DRAM1: variants seen among roughly 807,000 people sequenced by gnomAD.
DRAM1 encodes DNA damage-regulated autophagy modulator protein 1.
In DRAM1, 25 loss-of-function variants were observed where a neutral mutation model predicts 28.5. The ratio of observed to expected loss-of-function variants is 0.88; its 90% CI spans 0.64 to 1.23. The LOEUF is 1.23. Ranked by LOEUF, DRAM1 falls within the 50% of genes most tolerant of loss-of-function variation. The pLI, the probability that DRAM1 is intolerant of heterozygous loss-of-function variation, is 0.00. For synonymous variants in DRAM1, 113 were observed against 114.2 expected (o/e 0.99, Z 0.07); for missense variants, 249 against 299.2 (o/e 0.83, Z 1.24).
At chr12:101,920,951 T>C (rs537317223) in intron 6 of DRAM1, among the ~76,000 whole-genome samples, 1 of 152,236 alleles carries the variant, frequency 6.6e-6, no homozygotes, top group African/African-American at 2.4e-5. Context: ...AATAAAAGTG[T>C]GTTGTTCAAA....
At chr12:101,892,495 C>A (rs1446843269) in intron 1 of DRAM1, among the ~76,000 whole-genome samples, 1 of 151,354 alleles carries the variant, frequency 6.6e-6, no homozygotes, top group Non-Finnish European at 1.5e-5. Flanking sequence ...CTCAAGTGAT[C>A]CACCTGCCTC....
intron 1 of DRAM1, among the ~76,000 whole-genome samples, chr12:101,886,018 C>T (rs1211842241): frequency 6.6e-6 from 1 of 152,094 alleles, no homozygotes; most frequent in African/African-American, 2.4e-5. Flanking sequence ...GTCATATGGT[C>T]CTGTTTCATT....
At chr12:101,889,384 C>A (rs1873009968) in intron 1 of DRAM1, among the ~76,000 whole-genome samples, 4 of 152,086 alleles carry the variant, frequency 2.6e-5, no homozygotes, top group Admixed American at 2.6e-4. Context: ...TTGGAAGTCC[C>A]CTCTCGTGAG....
chr12:101,896,120 A>G (rs1873360926), intron 1 of DRAM1, among the ~76,000 whole-genome samples: 1 of 151,550 alleles, frequency 6.6e-6, no homozygotes, highest in South Asian at 2.1e-4. Flanking sequence ...ACTCCTGACC[A>G]CAGGTGATCC....
At chr12:101,909,875 C>T (rs1873975239) in intron 4 of DRAM1, among the ~76,000 whole-genome samples, 1 of 152,116 alleles carries the variant, frequency 6.6e-6, no homozygotes, top group African/African-American at 2.4e-5. Flanking sequence ...CATCTGTAGT[C>T]ATATCAGAGA....
intron 5 of DRAM1, among the ~76,000 whole-genome samples, chr12:101,917,239 G>A (rs542485452): frequency 6.6e-6 from 1 of 152,334 alleles, no homozygotes; most frequent in South Asian, 2.1e-4. Context: ...TCCTGTTCTG[G>A]ACTGGAGGTA....
chr12:101,890,649 T>C (rs1041926269), intron 1 of DRAM1, among the ~76,000 whole-genome samples: 1 of 152,008 alleles, frequency 6.6e-6, no homozygotes, highest in Non-Finnish European at 1.5e-5. Flanking sequence ...AAATTGCTTG[T>C]GGGTAGTGAG....
At chr12:101,911,884 A>G (rs1482227020) in intron 4 of DRAM1, among the ~76,000 whole-genome samples, 1 of 152,114 alleles carries the variant, frequency 6.6e-6, no homozygotes, top group Non-Finnish European at 1.5e-5. Context: ...CAATATTTTT[A>G]TGTGTTGGGT....
At chr12:101,904,043 G>C (rs983348228) in intron 3 of DRAM1, among the ~76,000 whole-genome samples, 3 of 152,118 alleles carry the variant, frequency 2.0e-5, no homozygotes, top group African/African-American at 7.2e-5. Context: ...CTGCAGTGCA[G>C]TGGCGCGATC....
At chr12:101,888,657 A>T (rs975753774) in intron 1 of DRAM1, among the ~76,000 whole-genome samples, 1 of 151,948 alleles carries the variant, frequency 6.6e-6, no homozygotes, top group African/African-American at 2.4e-5. Flanking sequence ...GGGTACAACA[A>T]ATTCTTTTGT....
Position 101,877,757 on chromosome 12 carries a change from G to C in DRAM1, c.-33G>C. Reference sequence around the variant, plus strand: ...GCAACCCGGCGCCCGGCCCCGCTGGGCGCAGCACTCCGTCGGCGGCGGCGG... The same window carrying C: ...GCAACCCGGCGCCCGGCCCCGCTGGCCGCAGCACTCCGTCGGCGGCGGCGG... On this transcript the variant is annotated 5_prime_UTR_variant, in exon 1 of 7. Transcript: ENST00000258534. This position sits in a 1 kb window ranked among gnomAD's most constrained non-coding sequence, Gnocchi z 4.1. 6.8e-6 allele frequency: 10 copies of C among 1,461,692 alleles called. No individual in the cohort carries two copies. Among genetic ancestry groups the C allele is most frequent in the Non-Finnish European group, 9.1e-6 (10 of 1,102,174 alleles). The allele number at this position is 1,461,692 out of a possible 1,614,324, so 90.5% of individuals were successfully genotyped here.
Position 101,877,580 on chromosome 12 carries a change from A to C in DRAM1, c.-210A>C. ...AGCCCGGGCAGCCCGCGCCCCACCC[A>C]CTCTGGCCCGGCAGCCTCGCCGCCC... is the stretch of plus-strand genomic sequence containing the variant. On this transcript the variant is annotated 5_prime_UTR_variant, in exon 1 of 7. Transcript: ENST00000258534. The surrounding 1 kb of genome is among the most constrained non-coding windows in gnomAD (Gnocchi z 4.1). 2 of 279,430 alleles carry C rather than the reference A, an allele frequency of 7.2e-6. No individual in the cohort carries two copies. Among genetic ancestry groups the C allele is most frequent in the Non-Finnish European group, 6.5e-6 (1 of 152,966 alleles). 17.3% of individuals were successfully genotyped at this position (279,430 alleles called of 1,614,324 possible). A position where few individuals can be genotyped will look rare whatever the true frequency, so the allele number is the denominator to read the frequency against.
intron 1 of DRAM1, among the ~76,000 whole-genome samples, chr12:101,896,256 G>T (rs191500992): frequency 6.6e-6 from 1 of 152,146 alleles, no homozygotes; most frequent in Non-Finnish European, 1.5e-5. Context: ...CCTGTTTTCT[G>T]CACACACAGG....
intron 1 of DRAM1, among the ~76,000 whole-genome samples, chr12:101,889,382 C>T (rs993682010): frequency 1.3e-5 from 2 of 152,132 alleles, no homozygotes; most frequent in African/African-American, 4.8e-5. Flanking sequence ...TCTTGGAAGT[C>T]CCCTCTCGTG....
Position 101,919,284 on chromosome 12 carries a change from GCACA to G in DRAM1, c.580-807_580-804del, listed in dbSNP as rs545205706. 2.4e-3 allele frequency among the ~76,000 whole-genome samples: 353 copies of G among 147,592 alleles called. 1 individual carries two copies. Among genetic ancestry groups the G allele is most frequent in the African/African-American group, 6.1e-3 (247 of 40,516 alleles). On this transcript the variant is annotated intron_variant, in intron 5 of 6. Transcript: ENST00000258534. ...TCCACAGACACACAGACACACACAC[GCACA>G]CACACACACACACACACGGTTTTGT...
chr12:101,919,711 G>A (rs911712079), intron 5 of DRAM1, among the ~76,000 whole-genome samples: 1 of 152,210 alleles, frequency 6.6e-6, no homozygotes, highest in African/African-American at 2.4e-5. Flanking sequence ...ACAACTGCGA[G>A]AGTGCTTGTT....
chr12:101,885,170 T>C (rs1872842155), intron 1 of DRAM1, among the ~76,000 whole-genome samples: 1 of 152,240 alleles, frequency 6.6e-6, no homozygotes. Flanking sequence ...CGCCTTGGCC[T>C]CCCAAAGTGC....
intron 1 of DRAM1, among the ~76,000 whole-genome samples, chr12:101,892,945 G>A (rs908284950): frequency 4.6e-5 from 7 of 152,172 alleles, no homozygotes; most frequent in Non-Finnish European, 2.9e-5. Flanking sequence ...AACTGGTTAT[G>A]AATTTTTGTT....
In DRAM1 at chr12:101,921,665, A is replaced by T. The variant is rs1322299812; in HGVS notation, c.*405A>T. 6.4e-6 allele frequency: 1 copy of T among 155,578 alleles called. No individual in the cohort carries two copies. The highest frequency in any genetic ancestry group is 3.2e-3 in the Middle Eastern group (1 of 308). 9.6% of individuals were successfully genotyped at this position (155,578 alleles called of 1,614,324 possible). ...TTATTACAAAGTGAAATCAGGGGAT[A>T]TTCATTTGTAAATTTTATTCTTAGT... On this transcript the variant is annotated 3_prime_UTR_variant, in exon 7 of 7. Transcript: ENST00000258534.
Sources: gnomAD v4.1 joint callset for allele counts (sites outside exome capture counted in the v4.1 genomes callset) on GRCh38, gnomAD v4.1.1 for gene constraint, Gnocchi (gnomAD v3.1) non-coding constraint, MANE v1.5 for transcripts, NCBI Gene and HGNC (gene_info 2026-07-23, HGNC 2026-07-21) for gene names.